Variants in TSPAN18 observed in about 807,000 individuals in gnomAD.
TSPAN18 encodes the protein tetraspanin 18, also known as tetraspanin-18.
Under a neutral mutation model 27.3 loss-of-function variants are expected in TSPAN18, and 14 were observed. The ratio of observed to expected loss-of-function variants is 0.51; its 90% CI spans 0.34 to 0.80. The LOEUF is 0.80. TSPAN18 is among the 30% of genes least tolerant of loss of function. The pLI is 0.01. For missense variants in TSPAN18, 268 were observed against 323.9 expected (o/e 0.83, Z 1.32); for synonymous variants, 143 against 136.5 (o/e 1.05, Z -0.33).
rs55976446 is a variant in TSPAN18 at position 44,926,420 on chromosome 11, A to G, written c.616-254A>G. 2.9e-3 allele frequency: 1,417 copies of G among 489,280 alleles called. 28 individuals carry two copies. The highest frequency in any genetic ancestry group is 0.026 in the African/African-American group (1,313 of 51,334). The allele number at this position is 489,280 out of a possible 1,614,324, so 30.3% of individuals were successfully genotyped here. ...AATCACTGTAGTTGCAACATTAGAC[A>G]TGGCCTGCACGCTGTCAGTTCTCTG... On this transcript the variant is annotated intron_variant, in intron 8 of 9. Transcript: ENST00000520358.
At chr11:44,843,110 G>A (rs1184166190) in intron 2 of TSPAN18, among the ~76,000 whole-genome samples, 1 of 152,218 alleles carries the variant, frequency 6.6e-6, no homozygotes, top group African/African-American at 2.4e-5. Context: ...TATAGCAGTA[G>A]TTTGTTCTTC....
intron 2 of TSPAN18, among the ~76,000 whole-genome samples, chr11:44,813,305 A>G (rs1443952181): frequency 6.6e-6 from 1 of 152,204 alleles, no homozygotes; most frequent in African/African-American, 2.4e-5. Context: ...TATGGGCCAA[A>G]TCCTGGCTTA....
chr11:44,845,920 T>A (rs1391771799), intron 2 of TSPAN18, among the ~76,000 whole-genome samples: 2 of 152,218 alleles, frequency 1.3e-5, no homozygotes, highest in Non-Finnish European at 2.9e-5. Flanking sequence ...AAAATGGACT[T>A]CCAGTGGAGA....
intron 3 of TSPAN18, among the ~76,000 whole-genome samples, chr11:44,904,999 C>T (rs1240924401): frequency 2.0e-5 from 3 of 152,094 alleles, no homozygotes; most frequent in Admixed American, 6.5e-5. Flanking sequence ...AGATAATATG[C>T]GCAAAACCCT....
At position 44,906,450 on chromosome 11, in the gene TSPAN18, C is replaced by T; in HGVS notation, c.34C>T (p.Leu12=). 1 of 1,614,186 alleles carries T rather than the reference C, an allele frequency of 6.2e-7. No homozygotes were observed. The change falls in exon 4 of 10, where the codon CTG becomes TTG. Residue 12 remains leucine, a synonymous_variant. Coordinates refer to ENST00000520358, the MANE Select transcript of TSPAN18 (RefSeq NM_130783.5). ...EGDCLSCMKY[L]MFVFNFFIFL... is the part of the protein sequence containing the mutation. Reference sequence around the variant, plus strand: ...CGACTGTCTGAGCTGCATGAAGTATCTGATGTTTGTATTCAATTTCTTCAT... The same window carrying T: ...CGACTGTCTGAGCTGCATGAAGTATTTGATGTTTGTATTCAATTTCTTCAT...
chr11:44,897,665 G>C, intron 3 of TSPAN18: 2 of 803,292 alleles, frequency 2.5e-6, no homozygotes, highest in African/African-American at 3.5e-5. Flanking sequence ...TGTATCTGGA[G>C]GGCGGGTTTT....
intron 3 of TSPAN18, among the ~76,000 whole-genome samples, chr11:44,905,653 G>C (rs1226558414): frequency 6.6e-6 from 1 of 152,236 alleles, no homozygotes; most frequent in Non-Finnish European, 1.5e-5. Context: ...TGCAGCCCCG[G>C]CTGTGCCTGG....
chr11:44,921,456 C>T (rs1458398481), intron 8 of TSPAN18, among the ~76,000 whole-genome samples: 2 of 152,206 alleles, frequency 1.3e-5, no homozygotes, highest in African/African-American at 4.8e-5. Flanking sequence ...GGCTGCACTT[C>T]CCAGCCTGCC....
chr11:44,843,582 C>T (rs1300860847), intron 2 of TSPAN18, among the ~76,000 whole-genome samples: 1 of 152,186 alleles, frequency 6.6e-6, no homozygotes, highest in African/African-American at 2.4e-5. Flanking sequence ...CAGGAATTCC[C>T]TCTTCCTAAT....
upstream of TSPAN18, chr11:44,726,870 G>T (rs1408803846): frequency 8.8e-5 from 2 of 22,688 alleles, no homozygotes; most frequent in East Asian, 1.6e-3. Context: ...TCTGGAGCCG[G>T]GAGGGGCGGA....
chr11:44,856,722 G>T (rs996198046), intron 2 of TSPAN18, among the ~76,000 whole-genome samples: 1 of 152,110 alleles, frequency 6.6e-6, no homozygotes, highest in Non-Finnish European at 1.5e-5. Flanking sequence ...TGTTGCTCAT[G>T]GTCTCCAGGA....
intron 3 of TSPAN18, among the ~76,000 whole-genome samples, chr11:44,888,497 G>A (rs1858734844): frequency 6.6e-6 from 1 of 152,184 alleles, no homozygotes; most frequent in South Asian, 2.1e-4. Flanking sequence ...CTCAGAGGAA[G>A]TGGGAGAAAC....
intron 3 of TSPAN18, among the ~76,000 whole-genome samples, chr11:44,869,131 A>C (rs548713997): frequency 6.6e-6 from 1 of 152,180 alleles, no homozygotes; most frequent in Non-Finnish European, 1.5e-5. Context: ...GAAGAAAGTG[A>C]TCAGCAAGGA....
At chr11:44,889,686 T>A (rs1858779377) in intron 3 of TSPAN18, among the ~76,000 whole-genome samples, 1 of 152,226 alleles carries the variant, frequency 6.6e-6, no homozygotes, top group East Asian at 1.9e-4. Context: ...GTTGGGCCAT[T>A]AGCTGATGAC....
chr11:44,913,535 T>C (rs1472482532), intron 5 of TSPAN18, among the ~76,000 whole-genome samples: 1 of 152,216 alleles, frequency 6.6e-6, no homozygotes. Context: ...TAAAAATATT[T>C]TATAATGAAG....
At chr11:44,800,889 C>T (rs1856465488) in intron 2 of TSPAN18, among the ~76,000 whole-genome samples, 1 of 152,154 alleles carries the variant, frequency 6.6e-6, no homozygotes, top group South Asian at 2.1e-4. Flanking sequence ...CAAGAGGACA[C>T]AATGAGTCTT....
chr11:44,893,860 C>A (rs140812006), intron 3 of TSPAN18, among the ~76,000 whole-genome samples: 1 of 152,328 alleles, frequency 6.6e-6, no homozygotes, highest in East Asian at 1.9e-4. Context: ...ACATGGCCTC[C>A]CTGATTCTAG....
intron 3 of TSPAN18, among the ~76,000 whole-genome samples, chr11:44,890,974 C>T (rs1858830358): frequency 6.6e-6 from 1 of 152,060 alleles, no homozygotes; most frequent in South Asian, 2.1e-4. Flanking sequence ...AGTTCGAGAC[C>T]AGTCTGGGTG....
intron 2 of TSPAN18, among the ~76,000 whole-genome samples, chr11:44,856,890 T>C (rs760350440): frequency 8.5e-5 from 13 of 152,176 alleles, no homozygotes; most frequent in Non-Finnish European, 1.9e-4. Flanking sequence ...CATTTCTTCT[T>C]GATCAGTGAC....
Sources: allele counts gnomAD v4.1 joint callset (sites outside exome capture counted in the v4.1 genomes callset), GRCh38; gene constraint gnomAD v4.1.1; transcripts MANE v1.5; gene names NCBI Gene and HGNC (gene_info 2026-07-23, HGNC 2026-07-21).